The following ACADL variants were observed in gnomAD, a reference collection of about 807,000 sequenced individuals.
The protein encoded by ACADL is long-chain specific acyl-CoA dehydrogenase, mitochondrial.
In ACADL, 60 loss-of-function variants were observed where a neutral mutation model predicts 56.9. That is an observed-to-expected ratio of 1.05 (90% CI 0.86 to 1.31). The LOEUF is 1.31. Ranked by LOEUF, ACADL falls within the 50% of genes most tolerant of loss-of-function variation. The pLI is 0.00. For missense variants in ACADL, 484 were observed against 525.5 expected (o/e 0.92, Z 0.77); for synonymous variants, 158 against 179.7 (o/e 0.88, Z 0.97).
intron 5 of ACADL, 46 bp downstream of exon 5, chr2:210,210,150 G>A: frequency 1.5e-6 from 2 of 1,369,204 alleles, no homozygotes; most frequent in South Asian, 2.3e-5. Context: ...TGTTACCCAT[G>A]GCATGACTCT....
intron 6 of ACADL, 84 bp downstream of exon 6, chr2:210,205,548 C>A: frequency 7.3e-7 from 1 of 1,364,344 alleles, no homozygotes; most frequent in Non-Finnish European, 1.0e-6. Flanking sequence ...AAAATTGTGC[C>A]ACATGTAATC....
chr2:210,193,502 T>C (rs550742749), intron 9 of ACADL, among the ~76,000 whole-genome samples: 1 of 152,312 alleles, frequency 6.6e-6, no homozygotes, highest in African/African-American at 2.4e-5. Context: ...TAGTATTATA[T>C]ATAATGTTTG....
chr2:210,205,648 A>G lies in ACADL; in HGVS notation c.752T>C (p.Met251Thr), dbSNP rs750238988. 6.2e-7 allele frequency: 1 copy of G among 1,613,894 alleles called. No individual in the cohort carries two copies. The highest frequency in any genetic ancestry group is 8.5e-7 in the Non-Finnish European group (1 of 1,179,884). The change falls in exon 6 of 11, where the codon ATG (methionine) becomes ACG (threonine). Residue 251 changes from methionine (M) to threonine (T), a missense_variant. By Grantham distance (81) the Met-to-Thr change is moderately conservative. Transcript: ENST00000233710. ...ATCACTCACCTGGGCTTTTAATCCC[A>G]TTTTATGTAGCTTTCGTCCCTTGAT... Reference protein sequence around the residue: ...GFIKGRKLHKMGLKAQDTAEL... With the variant: ...GFIKGRKLHKTGLKAQDTAEL...
chr2:210,224,667 G>C, intron 1 of ACADL: 1 of 986,046 alleles, frequency 1.0e-6, no homozygotes, highest in Non-Finnish European at 1.2e-6. Context: ...TTCTAGCCCA[G>C]TTTGTCCTGG....
At position 210,200,420 on chromosome 2, in the gene ACADL, C is replaced by A. The variant is rs566053648; in HGVS notation, c.984+2911G>T. Among the ~76,000 whole-genome samples the A allele has an allele frequency of 1.7e-3, 260 of 152,222 alleles. 6 individuals are homozygous for A. The highest frequency in any genetic ancestry group is 0.017 in the Admixed American group (260 of 15,282). ...CCTCCAGGGCACTATACAAGTTATA[C>A]CTCCAGTCAACTGTGCACACCCACC... On this transcript the variant is annotated intron_variant, in intron 8 of 10. Transcript: ENST00000233710.
chr2:210,216,293 A>G, intron 4 of ACADL, 54 bp downstream of exon 4: 1 of 1,597,600 alleles, frequency 6.3e-7, no homozygotes, highest in South Asian at 1.1e-5. Flanking sequence ...AAGTACTAAG[A>G]AAATGTTAAG....
At chr2:210,224,414 C>G in intron 1 of ACADL, 2 of 985,214 alleles carry the variant, frequency 2.0e-6, no homozygotes, top group Non-Finnish European at 2.4e-6. Context: ...TGCTGTCATT[C>G]GCAAATTTGC....
chr2:210,224,933 C>T (rs1159042251), intron 1 of ACADL: 4 of 1,330,556 alleles, frequency 3.0e-6, no homozygotes, highest in East Asian at 6.7e-5. Flanking sequence ...AATCTTTCGG[C>T]TTTCCCCGAC....
chr2:210,224,642 C>A (rs1024919566), intron 1 of ACADL: 1 of 985,612 alleles, frequency 1.0e-6, no homozygotes, highest in Non-Finnish European at 1.2e-6. Flanking sequence ...TTTGATGGAA[C>A]CCTCGCCAGG....
At chr2:210,202,594 C>T (rs1184607927) in intron 8 of ACADL, among the ~76,000 whole-genome samples, 1 of 152,156 alleles carries the variant, frequency 6.6e-6, no homozygotes, top group Non-Finnish European at 1.5e-5. Context: ...AGACCTTACG[C>T]AGTTGATTAT....
At chr2:210,192,490 A>G in intron 10 of ACADL, among the ~76,000 whole-genome samples, 1 of 152,090 alleles carries the variant, frequency 6.6e-6, no homozygotes, top group South Asian at 2.1e-4. Context: ...ACTGTCTCAA[A>G]ATAAAATAAA....
chr2:210,198,419 G>A (rs1688744206), intron 8 of ACADL, among the ~76,000 whole-genome samples: 1 of 152,066 alleles, frequency 6.6e-6, no homozygotes, highest in Admixed American at 6.6e-5. Flanking sequence ...TCAAGAAGAA[G>A]TATTATTTTT....
At chr2:210,215,228 AG>A (rs1689066644) in intron 4 of ACADL, among the ~76,000 whole-genome samples, 1 of 152,112 alleles carries the variant, frequency 6.6e-6, no homozygotes, top group South Asian at 2.1e-4. Flanking sequence ...TTTACCACTC[AG>A]CTCTGAGAAA....
rs17855263 is a variant in ACADL at position 210,192,845 on chromosome 2, G to A, written c.1158C>T (p.Leu386=). The change falls in exon 10 of 11, where the codon CTC becomes CTT. Residue 386 remains leucine, a synonymous_variant. Coordinates refer to ENST00000233710, the MANE Select transcript of ACADL (RefSeq NM_001608.4). ...CCCACATGTATCCCCAACCTCCATG[G>A]AGCTGTACACAGTCGTAAGCTACAC... ...QNSVAYDCVQ[L]HGGWGYMWEY... The A allele has an allele frequency of 1.2e-6, 2 of 1,613,720 alleles. No homozygotes were observed.
chr2:210,202,611 C>A lies in ACADL; in HGVS notation c.984+720G>T, dbSNP rs147534434. Among the ~76,000 whole-genome samples the A allele has an allele frequency of 4.8e-3, 727 of 152,248 alleles. 12 individuals are homozygous for A. The highest frequency in any genetic ancestry group is 0.016 in the African/African-American group (672 of 41,544). On this transcript the variant is annotated intron_variant, in intron 8 of 10. Transcript: ENST00000233710. ...ACCTTACGCAGTTGATTATTTCCTT[C>A]CTATCTACAACCTTTCCCTCTTTAT...
At chr2:210,199,032 C>T (rs1049186040) in intron 8 of ACADL, among the ~76,000 whole-genome samples, 6 of 151,998 alleles carry the variant, frequency 3.9e-5, no homozygotes, top group Admixed American at 2.0e-4. Context: ...TCAAGGATAA[C>T]AAAGAGAATG....
intron 1 of ACADL, among the ~76,000 whole-genome samples, chr2:210,222,311 G>A (rs1689187917): frequency 6.6e-6 from 1 of 152,026 alleles, no homozygotes; most frequent in Non-Finnish European, 1.5e-5. Context: ...AAGTAGAGAA[G>A]GGATCAGGAG....
chr2:210,195,149 A>C, intron 9 of ACADL, 62 bp downstream of exon 9: 1 of 1,608,122 alleles, frequency 6.2e-7, no homozygotes, highest in Non-Finnish European at 8.5e-7. Flanking sequence ...TGAGCTTAAA[A>C]TTGGCAGAAT....
intron 10 of ACADL, among the ~76,000 whole-genome samples, chr2:210,192,186 T>TA (rs918075309): frequency 5.3e-5 from 8 of 150,920 alleles, no homozygotes; most frequent in East Asian, 3.9e-4. Flanking sequence ...TTTTTGGTTT[T>TA]AAAAAAAAAG....
Sources: allele counts gnomAD v4.1 joint callset (sites outside exome capture counted in the v4.1 genomes callset), GRCh38; gene constraint gnomAD v4.1.1; transcripts MANE v1.5; gene names NCBI Gene and HGNC (gene_info 2026-07-23, HGNC 2026-07-21).